CDIPT: variants seen among roughly 807,000 people sequenced by gnomAD.
CDIPT encodes PI synthase.
Under a neutral mutation model 21.6 loss-of-function variants are expected in CDIPT, and 17 were observed. That is an observed-to-expected ratio of 0.79 (90% CI 0.54 to 1.18). The LOEUF (loss-of-function observed/expected upper bound fraction) is 1.18. Among genes scored for constraint, CDIPT ranks in the 50% most tolerant of loss-of-function variants. The probability of loss-of-function intolerance (pLI) is 0.00; values close to 1 mark genes in which losing one functional copy is unlikely to be tolerated. For missense variants in CDIPT, 254 were observed against 284.9 expected, an observed-to-expected ratio of 0.89 and a Z score of 0.78; for synonymous variants, 119 against 117.9, an observed-to-expected ratio of 1.01 and a Z score of -0.06.
chr16:29,860,725 T>C (rs1596941830), intron 3 of CDIPT, 63 bp from the exon 4 acceptor site: 1 of 914,294 alleles, frequency 1.1e-6, no homozygotes, highest in Non-Finnish European at 1.8e-6. Context: ...CCAATCCTCA[T>C]GTTAACACCT....
rs1048063883 is a variant in CDIPT at position 29,858,934 on chromosome 16, A to T, written c.*255T>A. 1 of 535,498 alleles carries T rather than the reference A, an allele frequency of 1.9e-6. No homozygotes were observed. The highest frequency in any genetic ancestry group is 3.3e-6 in the Non-Finnish European group (1 of 298,650). The allele number at this position is 535,498 out of a possible 1,614,324, so 33.2% of individuals were successfully genotyped here. On this transcript the variant is annotated 3_prime_UTR_variant, in exon 6 of 6. Transcript: ENST00000219789. ...CAGGACTGAGCAGGCAGGGTGTGAC[A>T]CTGCCCGGTCCCGGCACCCCAGGAG...
chr16:29,860,255 T>C (rs1033548339), intron 4 of CDIPT, among the ~76,000 whole-genome samples: 1 of 152,194 alleles, frequency 6.6e-6, no homozygotes, highest in Admixed American at 6.5e-5. Flanking sequence ...CCAGCCATTA[T>C]CTTTTTAAAA....
intron 4 of CDIPT, among the ~76,000 whole-genome samples, chr16:29,860,292 T>C (rs1048602295): frequency 6.6e-6 from 1 of 152,234 alleles, no homozygotes; most frequent in Admixed American, 6.5e-5. Context: ...CCTGTGTTCC[T>C]GGAATCAAGT....
Position 29,862,484 on chromosome 16 carries a change from A to C in CDIPT, c.178+102T>G. On this transcript the variant is annotated intron_variant, in intron 2 of 5. Transcript: ENST00000219789. The surrounding 1 kb of genome is among the most constrained non-coding windows in gnomAD (Gnocchi z 6.7). ...GGCCATCCTGTTCTGCTTTTTCCAG[A>C]GATGGGAATGACAGCCCTCTGACTC... 1 of 1,239,808 alleles carries C rather than the reference A, an allele frequency of 8.1e-7. No individual in the cohort carries two copies. Among genetic ancestry groups the C allele is most frequent in the Non-Finnish European group, 1.1e-6 (1 of 885,932 alleles). 76.8% of individuals were successfully genotyped at this position (1,239,808 alleles called of 1,614,324 possible).
intron 2 of CDIPT, chr16:29,861,639 C>A: frequency 1.3e-6 from 1 of 749,110 alleles, no homozygotes; most frequent in South Asian, 1.8e-5. Flanking sequence ...CCCTCTCCAT[C>A]CTCCCTCTAA....
Position 29,861,230 on chromosome 16 carries a change from G to A in CDIPT, c.208C>T (p.Leu70=), listed in dbSNP as rs1252855245. The A allele has an allele frequency of 6.2e-7, 1 of 1,614,212 alleles. No individual in the cohort carries two copies. Among genetic ancestry groups the A allele is most frequent in the East Asian group, 2.2e-5 (1 of 44,890 alleles). ...CACATGGTGGAGCAGCGGTCCGTCA[G>A]CATGTCCAGCATGGCCCCAAACCGG... The part of the protein sequence containing the change: ...GTRFGAMLDM[L]TDRCSTMCLL... The change falls in exon 3 of 6, where the codon CTG becomes TTG. Residue 70 remains leucine, a synonymous_variant. Coordinates refer to ENST00000219789, the MANE Select transcript of CDIPT (RefSeq NM_006319.5).
chr16:29,861,545 A>T, intron 2 of CDIPT: 1 of 1,515,960 alleles, frequency 6.6e-7, no homozygotes. Context: ...CTAGATAGAG[A>T]CTTGATGCCT....
At position 29,859,579 on chromosome 16, in the gene CDIPT, G is replaced by A; in HGVS notation, c.415-56C>T. The A allele has an allele frequency of 8.7e-7, 1 of 1,146,882 alleles. No homozygotes were observed. The highest frequency in any genetic ancestry group is 1.3e-6 in the Non-Finnish European group (1 of 761,400). The allele number at this position is 1,146,882 out of a possible 1,614,324, so 71.0% of individuals were successfully genotyped here. ...AAGAGGCAGGCGTGTGCCACCCCCT[G>A]CCCCCCCAGCACTAATGAAGGCACA... On this transcript the variant is annotated intron_variant, in intron 4 of 5. Coordinates refer to ENST00000219789, the MANE Select transcript of CDIPT (RefSeq NM_006319.5). This position sits in a 1 kb window ranked among gnomAD's most constrained non-coding sequence, Gnocchi z 4.5.
Position 29,860,616 on chromosome 16 carries a change from CG to C in CDIPT, c.378del (p.Asn128IlefsTer38), listed in dbSNP as rs1188541862. 7 of 1,613,030 alleles carry C rather than the reference CG, an allele frequency of 4.3e-6. No homozygotes were observed. The highest frequency in any genetic ancestry group is 5.9e-6 in the Non-Finnish European group (7 of 1,179,208). The stretch of plus-strand genomic sequence containing the variant: ...TAGTAGATCCGAAGCACCGGATTCC[CG>C]GACAAGTCGATCATCTTGTGACTCT... The part of the protein sequence containing the change: ...GSESHKMIDL[S>X]GNPVLRIYYT... On this transcript the variant is annotated frameshift_variant, in exon 4 of 6. Coordinates refer to ENST00000219789, the MANE Select transcript of CDIPT (RefSeq NM_006319.5). LOFTEE classifies it high-confidence loss of function.
intron 3 of CDIPT, 93 bp downstream of exon 3, chr16:29,861,013 G>A (rs1480845484): frequency 1.6e-6 from 2 of 1,286,566 alleles, no homozygotes; most frequent in Non-Finnish European, 2.2e-6. Flanking sequence ...CTTCCAGGAT[G>A]CCTAGTGCCA....
rs1312733790 is a variant in CDIPT at position 29,861,533 on chromosome 16, G to GGCTAGATA, written c.179-282_179-275dup. 36 of 1,528,646 alleles carry GGCTAGATA rather than the reference G, an allele frequency of 2.4e-5. No individual in the cohort carries two copies. The Admixed American group carries it at 4.7e-4, about 20-fold the overall frequency. 94.7% of individuals were successfully genotyped at this position (1,528,646 alleles called of 1,614,324 possible). A position where few individuals can be genotyped will look rare whatever the true frequency, so the allele number is the denominator to read the frequency against. Reference sequence around the variant, plus strand: ...ATCAACCCCAGAACCAAGACTCCAGGGCTAGATAGAGACTTGATGCCTCAG... The same window carrying GGCTAGATA: ...ATCAACCCCAGAACCAAGACTCCAGGGCTAGATAGCTAGATAGAGACTTGATGCCTCAG... On this transcript the variant is annotated intron_variant, in intron 2 of 5. Coordinates refer to ENST00000219789, the MANE Select transcript of CDIPT (RefSeq NM_006319.5).
chr16:29,859,659 C>A lies in CDIPT; in HGVS notation c.415-136G>T. ...TTTCTTTTTTACAGACAGGGTCTCGCTCTCTCATCCAGGTTGGAATGCAGT... is the reference window on the plus strand; with the variant it reads ...TTTCTTTTTTACAGACAGGGTCTCGATCTCTCATCCAGGTTGGAATGCAGT... On this transcript the variant is annotated intron_variant, in intron 4 of 5. Coordinates refer to ENST00000219789, the MANE Select transcript of CDIPT (RefSeq NM_006319.5). This position sits in a 1 kb window ranked among gnomAD's most constrained non-coding sequence, Gnocchi z 4.5. 1.5e-6 allele frequency: 1 copy of A among 656,826 alleles called. No homozygotes were observed. Among genetic ancestry groups the A allele is most frequent in the Non-Finnish European group, 2.8e-6 (1 of 363,376 alleles). The allele number at this position is 656,826 out of a possible 1,614,324, so 40.7% of individuals were successfully genotyped here. A position where few individuals can be genotyped will look rare whatever the true frequency, so the allele number is the denominator to read the frequency against.
In CDIPT at chr16:29,863,142, G is replaced by T. The variant is rs2067699525; in HGVS notation, c.-285C>A. 3 of 453,166 alleles carry T rather than the reference G, an allele frequency of 6.6e-6. No individual in the cohort carries two copies. The highest frequency in any genetic ancestry group is 4.6e-5 in the Admixed American group (1 of 21,736). The allele number at this position is 453,166 out of a possible 1,614,324, so 28.1% of individuals were successfully genotyped here. A position where few individuals can be genotyped will look rare whatever the true frequency, so the allele number is the denominator to read the frequency against. ...GCGCTCCGGGCCTCCAGCTGCGGTC[G>T]CCGCTGCTCCAGCTGCGCGTGGCTT... On this transcript the variant is annotated 5_prime_UTR_variant, in exon 1 of 6. Coordinates refer to ENST00000219789, the MANE Select transcript of CDIPT (RefSeq NM_006319.5).
At position 29,863,050 on chromosome 16, in the gene CDIPT, G is replaced by A; in HGVS notation, c.-193C>T. The A allele has an allele frequency of 1.5e-6, 1 of 658,276 alleles. No homozygotes were observed. Among genetic ancestry groups the A allele is most frequent in the Non-Finnish European group, 2.6e-6 (1 of 379,862 alleles). 40.8% of individuals were successfully genotyped at this position (658,276 alleles called of 1,614,324 possible). ...CATGGACCGGCCCCGAGGTGCGCGG[G>A]ACGCAGGGGGCGCGCGCAGTCCGCC... On this transcript the variant is annotated 5_prime_UTR_variant, in exon 1 of 6. Transcript: ENST00000219789.
In CDIPT at chr16:29,859,263, T is replaced by A. The variant is rs762887429; in HGVS notation, c.568A>T (p.Ser190Cys). 6.3e-7 allele frequency: 1 copy of A among 1,588,598 alleles called. No individual in the cohort carries two copies. Among genetic ancestry groups the A allele is most frequent in the Non-Finnish European group, 8.6e-7 (1 of 1,167,902 alleles). ...GCGGCCGTGATCAGGTGGATGACGCTGATGAGCGACTTCAGCAAGGCGATG... is the reference window on the plus strand; with the variant it reads ...GCGGCCGTGATCAGGTGGATGACGCAGATGAGCGACTTCAGCAAGGCGATG... ...APIALLKSLI[S>C]VIHLITAARN... is the part of the protein sequence containing the mutation. Residue 190 changes from serine (S) to cysteine (C), a missense_variant, in exon 6 of 6, where the codon AGC becomes TGC. Transcript: ENST00000219789. This position sits in a 1 kb window ranked among gnomAD's most constrained non-coding sequence, Gnocchi z 4.5.
chr16:29,858,940 C>T lies in CDIPT; in HGVS notation c.*249G>A, dbSNP rs2067655306. The T allele has an allele frequency of 1.3e-5, 7 of 546,314 alleles. No homozygotes were observed. The highest frequency in any genetic ancestry group is 4.1e-5 in the South Asian group (2 of 48,584). 33.8% of individuals were successfully genotyped at this position (546,314 alleles called of 1,614,324 possible). ...TGAGCAGGCAGGGTGTGACACTGCCCGGTCCCGGCACCCCAGGAGCACCGC... is the reference window on the plus strand; with the variant it reads ...TGAGCAGGCAGGGTGTGACACTGCCTGGTCCCGGCACCCCAGGAGCACCGC... On this transcript the variant is annotated 3_prime_UTR_variant, in exon 6 of 6. Transcript: ENST00000219789.
At chr16:29,861,070 C>T in intron 3 of CDIPT, 36 bp downstream of exon 3, 1 of 1,611,270 alleles carries the variant, frequency 6.2e-7, no homozygotes, top group Non-Finnish European at 8.5e-7. Context: ...ACTGTAATGT[C>T]TCCAAGTGGC....
In CDIPT at chr16:29,859,531, C is replaced by A. The variant is rs1303772085; in HGVS notation, c.415-8G>T. Reference sequence around the variant, plus strand: ...CAAGGTGAACAGAGCAGGCTGCACACACAGCAAACAGGCCACGTTAGCAAG... The same window carrying A: ...CAAGGTGAACAGAGCAGGCTGCACAAACAGCAAACAGGCCACGTTAGCAAG... On this transcript the variant is annotated splice_region_variant and splice_polypyrimidine_tract_variant and intron_variant, in intron 4 of 5. Transcript: ENST00000219789. The surrounding 1 kb of genome is among the most constrained non-coding windows in gnomAD (Gnocchi z 4.5). 11 of 1,608,342 alleles carry A rather than the reference C, an allele frequency of 6.8e-6. No homozygotes were observed. Among genetic ancestry groups the A allele is most frequent in the Non-Finnish European group, 9.4e-6 (11 of 1,175,560 alleles).
At chr16:29,861,014 C>G (rs1199179873) in intron 3 of CDIPT, 92 bp downstream of exon 3, 1 of 1,304,622 alleles carries the variant, frequency 7.7e-7, no homozygotes, top group Admixed American at 1.7e-5. Context: ...TTCCAGGATG[C>G]CTAGTGCCAT....
Sources: gnomAD v4.1 joint callset for allele counts (sites outside exome capture counted in the v4.1 genomes callset) on GRCh38, gnomAD v4.1.1 for gene constraint, Gnocchi (gnomAD v3.1) non-coding constraint, MANE v1.5 for transcripts, NCBI Gene and HGNC (gene_info 2026-07-23, HGNC 2026-07-21) for gene names.